PLAC1: variants seen among roughly 807,000 people sequenced by gnomAD.
PLAC1 encodes placenta associated 1, also known as placenta-specific protein 1.
For missense variants in PLAC1, 136 were observed against 163.2 expected, an observed-to-expected ratio of 0.83 and a Z score of 0.91; for synonymous variants, 68 against 62.1, an observed-to-expected ratio of 1.09 and a Z score of -0.44.
chrX:134,578,875 T>C (rs1293694891), intron 2 of PLAC1, among the ~76,000 whole-genome samples: 1 of 109,879 alleles, frequency 9.1e-6, no homozygotes, highest in Non-Finnish European at 1.9e-5. Flanking sequence ...ATTTAAAAGG[T>C]TGGGGCTCTG....
chrX:134,600,633 A>G (rs2078084183), intron 2 of PLAC1, among the ~76,000 whole-genome samples: 2 of 110,809 alleles, frequency 1.8e-5, no homozygotes, highest in African/African-American at 6.6e-5. Flanking sequence ...CATGGGCAAC[A>G]GAGTGAGACC....
chrX:134,619,165 T>C (rs1043103740), intron 1 of PLAC1, among the ~76,000 whole-genome samples: 2 of 112,002 alleles, frequency 1.8e-5, no homozygotes, highest in African/African-American at 6.5e-5. Flanking sequence ...AGTTCCACCA[T>C]TTTTTTCACC....
rs1397498864 is a variant in PLAC1, at chrX:134,611,579, GTA to G, written c.-130-9459_-130-9458del. 1.9e-5 allele frequency among the ~76,000 whole-genome samples: 2 copies of G among 106,185 alleles called. 1 individual carries two copies. Among genetic ancestry groups the G allele is most frequent in the Non-Finnish European group, 3.9e-5 (2 of 51,764 alleles). 92.2% of individuals were successfully genotyped at this position (106,185 alleles called of 115,157 possible). ...TGTATATATATGCATATATACATATGTATATATATATGCATATATATTTGCAA... is the reference window on the plus strand; with the variant it reads ...TGTATATATATGCATATATACATATGTATATATATGCATATATATTTGCAA... On this transcript the variant is annotated intron_variant, in intron 1 of 2. Transcript: ENST00000359237.
chrX:134,730,419 C>A (rs1273996351), intron 2 of PLAC1, among the ~76,000 whole-genome samples: 2 of 111,220 alleles, frequency 1.8e-5, no homozygotes, highest in Non-Finnish European at 3.8e-5. Flanking sequence ...CATTCATACT[C>A]AATAGCTATG....
At chrX:134,743,127 AG>A (rs1445890538) in intron 1 of PLAC1, among the ~76,000 whole-genome samples, 1 of 112,013 alleles carries the variant, frequency 8.9e-6, no homozygotes, top group Non-Finnish European at 1.9e-5. Context: ...GAGAAAGAAA[AG>A]TCCCACCTAG....
chrX:134,688,288 A>G (rs757272705), intron 2 of PLAC1, among the ~76,000 whole-genome samples: 18 of 111,812 alleles, frequency 1.6e-4, no homozygotes, highest in Non-Finnish European at 3.0e-4. Flanking sequence ...TCATTCACTG[A>G]GCAAGTATGT....
intron 2 of PLAC1, among the ~76,000 whole-genome samples, chrX:134,716,162 G>A (rs2078642765): frequency 8.9e-6 from 1 of 112,370 alleles, no homozygotes; most frequent in Non-Finnish European, 1.9e-5. Context: ...AAGCAAGTGG[G>A]CCCAGGTGGC....
intron 2 of PLAC1, among the ~76,000 whole-genome samples, chrX:134,666,405 T>C (rs1251047272): frequency 9.1e-6 from 1 of 110,442 alleles, no homozygotes. Flanking sequence ...GCAAAGAAGA[T>C]GCAAGCAAGA....
At chrX:134,641,559 G>A (rs981104864) in intron 1 of PLAC1, among the ~76,000 whole-genome samples, 7 of 112,246 alleles carry the variant, frequency 6.2e-5, no homozygotes, top group African/African-American at 2.3e-4. Context: ...TCTTTCCCAG[G>A]AAGTAAATTC....
intron 1 of PLAC1, among the ~76,000 whole-genome samples, chrX:134,636,206 T>C (rs934283843): frequency 5.3e-5 from 6 of 112,261 alleles, no homozygotes; most frequent in African/African-American, 1.6e-4. Flanking sequence ...CCAGAAATGA[T>C]ACAATGCTTA....
rs1406428298 is a variant in PLAC1 at position 134,616,085 on chromosome X, T to C, written c.-130-13963A>G. 3.6e-5 allele frequency among the ~76,000 whole-genome samples: 4 copies of C among 110,837 alleles called. No individual in the cohort carries two copies. In the Admixed American group the frequency reaches 3.9e-4, roughly 11 times the overall value. The stretch of plus-strand genomic sequence containing the variant: ...ACCTTGAACTCCTGGGCTCAAGTAA[T>C]CCTCCTACCTCAGCTTCCCTGGTAG... On this transcript the variant is annotated intron_variant, in intron 1 of 2. Transcript: ENST00000359237.
chrX:134,725,441 G>C (rs1437242284), intron 2 of PLAC1, among the ~76,000 whole-genome samples: 1 of 111,633 alleles, frequency 9.0e-6, no homozygotes, highest in Non-Finnish European at 1.9e-5. Context: ...CACCTGGAGA[G>C]CTTGTTAAAA....
intron 2 of PLAC1, among the ~76,000 whole-genome samples, chrX:134,687,971 T>C (rs1410599714): frequency 9.7e-6 from 1 of 103,285 alleles, no homozygotes; most frequent in African/African-American, 3.6e-5. Context: ...GTGCTAGCTC[T>C]GGGAACTTAG....
intron 2 of PLAC1, among the ~76,000 whole-genome samples, chrX:134,684,248 G>T (rs905931807): frequency 1.0e-4 from 11 of 110,229 alleles, no homozygotes; most frequent in Non-Finnish European, 1.9e-4. Flanking sequence ...ACTACCTTTT[G>T]CATAGTTCAG....
At chrX:134,735,859 G>T (rs1233184913) in intron 1 of PLAC1, among the ~76,000 whole-genome samples, 1 of 108,169 alleles carries the variant, frequency 9.2e-6, no homozygotes. Context: ...CAAGAAAGAG[G>T]TTATAAATCC....
chrX:134,655,363 A>ACACACT (rs1181274822), intron 1 of PLAC1, among the ~76,000 whole-genome samples: 1 of 109,033 alleles, frequency 9.2e-6, no homozygotes, highest in Admixed American at 9.9e-5. Context: ...ACACACACAC[A>ACACACT]CATATATTTG....
chrX:134,629,900 C>T (rs1012883079), intron 1 of PLAC1, among the ~76,000 whole-genome samples: 2 of 111,086 alleles, frequency 1.8e-5, no homozygotes, highest in African/African-American at 6.6e-5. Context: ...AAAATTCTCA[C>T]CTTTGATGTC....
chrX:134,612,569 A>G (rs760366817), intron 1 of PLAC1, among the ~76,000 whole-genome samples: 2 of 111,737 alleles, frequency 1.8e-5, no homozygotes, highest in East Asian at 5.6e-4. Context: ...GGGGCTCCCA[A>G]ACACAATTGT....
At chrX:134,762,821 C>CAAAAAAAAAAAAAAAAAA (rs60721487) in intron 1 of PLAC1, among the ~76,000 whole-genome samples, 7 of 14,820 alleles carry the variant, frequency 4.7e-4, no homozygotes, top group Middle Eastern at 0.059. Flanking sequence ...GGCTCTATCT[C>CAAAAAAAAAAAAAAAAAA]AAAAAAAAAA....
Sources: gnomAD v4.1 joint callset for allele counts (sites outside exome capture counted in the v4.1 genomes callset) on GRCh38, gnomAD v4.1.1 for gene constraint, MANE v1.5 for transcripts, NCBI Gene and HGNC (gene_info 2026-07-23, HGNC 2026-07-21) for gene names.